TBCD: variants seen among roughly 807,000 people sequenced by gnomAD.
The protein encoded by TBCD is tubulin-specific chaperone D.
A neutral mutation model predicts 169.3 loss-of-function variants in TBCD; 105 were observed. The ratio of observed to expected loss-of-function variants is 0.62; its 90% CI spans 0.53 to 0.73. The LOEUF (loss-of-function observed/expected upper bound fraction) is 0.73. TBCD is among the 30% of genes least tolerant of loss of function. The pLI is 0.00. For synonymous variants in TBCD, 700 were observed against 643.9 expected (o/e 1.09, Z -1.32); for missense variants, 1,444 against 1,600.1 (o/e 0.90, Z 1.66).
At position 82,944,239 on chromosome 17, in the gene TBCD, G is replaced by A. The variant is rs1366148580; in HGVS notation, c.*1776G>A. The A allele has an allele frequency of 6.6e-6, 1 of 151,062 alleles. No individual in the cohort carries two copies. Among genetic ancestry groups the A allele is most frequent in the Non-Finnish European group, 1.5e-5 (1 of 67,694 alleles). The allele number at this position is 151,062 out of a possible 1,614,324, so 9.4% of individuals were successfully genotyped here. On this transcript the variant is annotated 3_prime_UTR_variant, in exon 39 of 39. Transcript: ENST00000355528. ...ATGTCGGTCTAACTTAGCAACCCGA[G>A]GAAAGTGGATCACTCCACTGGCCAC... is the stretch of plus-strand genomic sequence containing the variant.
intron 14 of TBCD, among the ~76,000 whole-genome samples, chr17:82,870,860 G>A (rs1033808587): frequency 6.6e-6 from 1 of 152,250 alleles, no homozygotes; most frequent in African/African-American, 2.4e-5. Context: ...CAGGCATGTT[G>A]GACATGGCAG....
chr17:82,899,152 TCAGCGTGTCCG>T (rs1599354163), intron 17 of TBCD, among the ~76,000 whole-genome samples: 1 of 101,170 alleles, frequency 9.9e-6, no homozygotes, highest in African/African-American at 3.0e-5. Flanking sequence ...GCTAGTGTCC[TCAGCGTGTCCG>T]CAGTGCGCGC....
chr17:82,858,216 C>A (rs1224805347), intron 13 of TBCD, among the ~76,000 whole-genome samples: 2 of 152,064 alleles, frequency 1.3e-5, no homozygotes, highest in African/African-American at 4.8e-5. Context: ...GCCCAGCCAG[C>A]CTTTGTTGTT....
chr17:82,777,838 C>A (rs372977804), intron 6 of TBCD, among the ~76,000 whole-genome samples: 118 of 134,272 alleles, frequency 8.8e-4, no homozygotes, highest in Middle Eastern at 7.9e-3. Context: ...TCTCTAAACT[C>A]CCCCGGGGAA....
chr17:82,897,893 T>C (rs541776558), intron 17 of TBCD, among the ~76,000 whole-genome samples: 1 of 152,326 alleles, frequency 6.6e-6, no homozygotes, highest in African/African-American at 2.4e-5. Context: ...GGCACAGCTC[T>C]GTTCTCCCCG....
chr17:82,899,279 T>C lies in TBCD; in HGVS notation c.1650-1372T>C, dbSNP rs560425182. 1.9e-3 allele frequency among the ~76,000 whole-genome samples: 291 copies of C among 149,390 alleles called. 3 individuals are homozygous for C. The highest frequency in any genetic ancestry group is 7.1e-3 in the African/African-American group (283 of 39,926). On this transcript the variant is annotated intron_variant, in intron 17 of 38. Coordinates refer to ENST00000355528, the MANE Select transcript of TBCD (RefSeq NM_005993.5). ...CCTCAGCGTGCGTGTCCTCAGCGCGTGTGTCCTCAGTGCGTGTGTCCTCCG... is the reference window on the plus strand; with the variant it reads ...CCTCAGCGTGCGTGTCCTCAGCGCGCGTGTCCTCAGTGCGTGTGTCCTCCG...
At chr17:82,843,897 C>T (rs2054768793) in intron 13 of TBCD, among the ~76,000 whole-genome samples, 1 of 152,180 alleles carries the variant, frequency 6.6e-6, no homozygotes, top group East Asian at 1.9e-4. Context: ...TACTTTTCCA[C>T]CATGGATTAG....
chr17:82,928,517 C>T (rs2061945225), intron 30 of TBCD, among the ~76,000 whole-genome samples: 1 of 151,758 alleles, frequency 6.6e-6, no homozygotes, highest in Non-Finnish European at 1.5e-5. Context: ...AGGTCCAGGC[C>T]CTGCCCTTGC....
At chr17:82,891,965 G>A (rs1484507156) in intron 16 of TBCD, among the ~76,000 whole-genome samples, 2 of 152,146 alleles carry the variant, frequency 1.3e-5, no homozygotes, top group Non-Finnish European at 2.9e-5. Flanking sequence ...GCTCCTAGGC[G>A]AGTGCTGTCC....
intron 13 of TBCD, among the ~76,000 whole-genome samples, 189 bp from the exon 14 acceptor site, chr17:82,870,035 A>G (rs1050154262): frequency 2.0e-5 from 3 of 151,900 alleles, no homozygotes; most frequent in Non-Finnish European, 2.9e-5. Flanking sequence ...TTCCTTTCGT[A>G]GGTTTGTTTT....
At chr17:82,770,814 G>A (rs2048267318) in intron 5 of TBCD, among the ~76,000 whole-genome samples, 1 of 152,006 alleles carries the variant, frequency 6.6e-6, no homozygotes, top group Non-Finnish European at 1.5e-5. Context: ...AGGAGTTTAA[G>A]ACCAGCCTGG....
intron 4 of TBCD, among the ~76,000 whole-genome samples, chr17:82,767,099 C>T (rs1329456811): frequency 6.6e-6 from 1 of 152,252 alleles, no homozygotes; most frequent in Non-Finnish European, 1.5e-5. Flanking sequence ...GGTGGGAACC[C>T]TGCTGGTGTC....
rs996808071 is a variant in TBCD at position 82,859,884 on chromosome 17, CAG to C, written c.1319-10339_1319-10338del. 7.6e-5 allele frequency: 75 copies of C among 985,324 alleles called. No individual in the cohort carries two copies. In the African/African-American group the frequency reaches 1.3e-3, roughly 17 times the overall value. The allele number at this position is 985,324 out of a possible 1,614,324, so 61.0% of individuals were successfully genotyped here. A position where few individuals can be genotyped will look rare whatever the true frequency, so the allele number is the denominator to read the frequency against. ...ACCCTTGAGATAACTGGGTTGGAGA[CAG>C]GGAGCAGGCTTGTCATTGTGCACTG... On this transcript the variant is annotated intron_variant, in intron 13 of 38. Transcript: ENST00000355528.
rs1239264298 is a variant in TBCD, at chr17:82,938,113, C to T, written c.3346C>T (p.Leu1116Phe). Residue 1116 changes from leucine to phenylalanine, a missense_variant, in exon 36 of 39, where the codon CTC (leucine) becomes TTC (phenylalanine). By Grantham distance (22) the Leu-to-Phe change is conservative (BLOSUM62 0). Transcript: ENST00000355528. ...RRQALLQLCL[L>F]LCHRFPLIRK... Reference sequence around the variant, plus strand: ...GCAGGCCCTCCTGCAGCTGTGTCTGCTCCTCTGCCACCGTTTCCCGCTGGT... The same window carrying T: ...GCAGGCCCTCCTGCAGCTGTGTCTGTTCCTCTGCCACCGTTTCCCGCTGGT... 3 of 1,612,630 alleles carry T rather than the reference C, an allele frequency of 1.9e-6. No individual in the cohort carries two copies. Among genetic ancestry groups the T allele is most frequent in the Admixed American group, 1.7e-5 (1 of 60,020 alleles).
chr17:82,797,877 C>T (rs2050211776), intron 8 of TBCD, 75 bp downstream of exon 8: 28 of 1,023,894 alleles, frequency 2.7e-5, no homozygotes, highest in Non-Finnish European at 3.6e-5. Context: ...CTTTCCTTAA[C>T]ATTTTATTCA....
intron 1 of TBCD, among the ~76,000 whole-genome samples, chr17:82,752,857 G>T (rs966482640): frequency 1.3e-5 from 2 of 152,212 alleles, no homozygotes; most frequent in Admixed American, 6.5e-5. Flanking sequence ...GGGACGCAGG[G>T]AACAAACCTG....
intron 13 of TBCD, among the ~76,000 whole-genome samples, chr17:82,838,334 T>A (rs1213581981): frequency 8.4e-6 from 1 of 119,416 alleles, no homozygotes; most frequent in African/African-American, 3.1e-5. Flanking sequence ...GAAAGAGTTC[T>A]TAAAAAAAAA....
intron 18 of TBCD, among the ~76,000 whole-genome samples, chr17:82,901,485 G>T: frequency 6.7e-6 from 1 of 148,190 alleles, no homozygotes; most frequent in Non-Finnish European, 1.5e-5. Context: ...GCTGCCTGCC[G>T]TGGTCCTGCT....
intron 7 of TBCD, among the ~76,000 whole-genome samples, chr17:82,796,720 G>A (rs1046638003): frequency 1.3e-5 from 2 of 152,216 alleles, no homozygotes; most frequent in African/African-American, 4.8e-5. Flanking sequence ...TCAGCGCTTA[G>A]GAGAGCCCCC....
Sources: gnomAD v4.1 joint callset for allele counts (sites outside exome capture counted in the v4.1 genomes callset) on GRCh38, gnomAD v4.1.1 for gene constraint, MANE v1.5 for transcripts, NCBI Gene and HGNC (gene_info 2026-07-23, HGNC 2026-07-21) for gene names.